Variants in DNAI4 observed in about 807,000 individuals in gnomAD.
DNAI4 encodes the protein WD repeat domain 78.
In DNAI4, 85 loss-of-function variants were observed where a neutral mutation model predicts 105.8. That is an observed-to-expected ratio of 0.80 (90% CI 0.67 to 0.96). DNAI4 has a LOEUF of 0.96. Ranked by LOEUF, DNAI4 falls within the 40% of genes least tolerant of loss-of-function variation. DNAI4 has a pLI of 0.00. For synonymous variants in DNAI4, 352 were observed against 331.5 expected (o/e 1.06, Z -0.67); for missense variants, 1,014 against 1,005.6 (o/e 1.01, Z -0.11).
At chr1:66,921,895 A>ATT in intron 1 of DNAI4, among the ~76,000 whole-genome samples, 1 of 124,460 alleles carries the variant, frequency 8.0e-6, no homozygotes, top group Non-Finnish European at 1.7e-5. Flanking sequence ...ACTTGTAGAA[A>ATT]TTTTTTTTTT....
intron 7 of DNAI4, chr1:66,848,353 A>C (rs1216382084): frequency 9.3e-6 from 4 of 430,380 alleles, no homozygotes; most frequent in Non-Finnish European, 1.8e-5. Context: ...ATGTGATTAG[A>C]CTGGGCCCAA....
At chr1:66,844,332 G>A (rs576293920) in intron 8 of DNAI4, among the ~76,000 whole-genome samples, 141 of 151,996 alleles carry the variant, frequency 9.3e-4, no homozygotes, top group African/African-American at 2.4e-3. Flanking sequence ...AGGCTGAGGC[G>A]GGTGGATCAT....
intron 1 of DNAI4, among the ~76,000 whole-genome samples, chr1:66,910,813 A>T (rs1649603204): frequency 6.6e-6 from 1 of 152,176 alleles, no homozygotes; most frequent in African/African-American, 2.4e-5. Context: ...AGGCTCTTTC[A>T]TTCCCTGTTG....
intron 15 of DNAI4, 49 bp downstream of exon 15, chr1:66,826,771 A>ATC: frequency 6.5e-7 from 1 of 1,543,844 alleles, no homozygotes; most frequent in Non-Finnish European, 8.9e-7. Flanking sequence ...GGTATCACTT[A>ATC]GTTTGAACTG....
intron 15 of DNAI4, among the ~76,000 whole-genome samples, chr1:66,825,297 A>G (rs941527931): frequency 6.8e-6 from 1 of 146,978 alleles, no homozygotes; most frequent in African/African-American, 2.5e-5. Context: ...CTCCTGCCTC[A>G]GCCTCCCGAG....
chr1:66,872,624 T>C (rs1247645747), intron 5 of DNAI4, among the ~76,000 whole-genome samples: 1 of 152,212 alleles, frequency 6.6e-6, no homozygotes, highest in Non-Finnish European at 1.5e-5. Flanking sequence ...GTCAGTTTAA[T>C]TGTTCCTCTG....
At chr1:66,896,621 A>G (rs1327342495) in intron 2 of DNAI4, among the ~76,000 whole-genome samples, 3 of 152,142 alleles carry the variant, frequency 2.0e-5, no homozygotes, top group African/African-American at 7.2e-5. Flanking sequence ...ATGGGTTATC[A>G]AGGGAGTGGT....
intron 1 of DNAI4, among the ~76,000 whole-genome samples, chr1:66,916,572 G>C (rs1180395815): frequency 1.3e-5 from 2 of 152,184 alleles, no homozygotes; most frequent in Admixed American, 1.3e-4. Flanking sequence ...AGGTTGGAAT[G>C]TGGGATTTTA....
rs777239898 is a variant in DNAI4 at position 66,833,698 on chromosome 1, G to T, written c.1900C>A (p.Arg634=). 23 of 1,610,382 alleles carry T rather than the reference G, an allele frequency of 1.4e-5. No individual in the cohort carries two copies. Among genetic ancestry groups the T allele is most frequent in the Non-Finnish European group, 2.0e-5 (23 of 1,178,516 alleles). The change falls in exon 13 of 17, where the codon CGA becomes AGA. Residue 634 remains arginine (R), a synonymous_variant. Coordinates refer to ENST00000371026, the MANE Select transcript of DNAI4 (RefSeq NM_024763.5). The part of the protein sequence containing the change: ...RKGLDCYDLM[R]LKRTTAASNK... ...CTGGCAGCTGTAGTTCTCTTTAATC[G>T]CATCAAATCTGTATTTAAAGAAAAA...
chr1:66,842,069 G>T (rs948959005), intron 8 of DNAI4, among the ~76,000 whole-genome samples: 1 of 152,148 alleles, frequency 6.6e-6, no homozygotes, highest in African/African-American at 2.4e-5. Flanking sequence ...ACGTTATATA[G>T]TCGGAATCAC....
chr1:66,822,266 TA>T, intron 16 of DNAI4, 94 bp downstream of exon 16: 3 of 1,148,566 alleles, frequency 2.6e-6, no homozygotes, highest in South Asian at 2.0e-5. Flanking sequence ...ATATTACACC[TA>T]AGATATTGAG....
At chr1:66,842,405 T>G (rs913666993) in intron 8 of DNAI4, among the ~76,000 whole-genome samples, 1 of 152,142 alleles carries the variant, frequency 6.6e-6, no homozygotes. Context: ...TTGTTTTGTT[T>G]TTGAAGACAG....
At chr1:66,885,770 G>A (rs1416785451) in intron 4 of DNAI4, among the ~76,000 whole-genome samples, 1 of 152,038 alleles carries the variant, frequency 6.6e-6, no homozygotes, top group East Asian at 1.9e-4. Flanking sequence ...TTTCCTTCTG[G>A]CTTCCGTCAA....
intron 16 of DNAI4, among the ~76,000 whole-genome samples, chr1:66,815,392 T>A (rs908092062): frequency 2.0e-5 from 3 of 152,236 alleles, no homozygotes; most frequent in African/African-American, 7.2e-5. Context: ...TTAATACTTG[T>A]TGAATAATAA....
intron 13 of DNAI4, among the ~76,000 whole-genome samples, chr1:66,829,952 T>C (rs1194133712): frequency 6.6e-6 from 1 of 152,178 alleles, no homozygotes; most frequent in Non-Finnish European, 1.5e-5. Context: ...CTAAATAACA[T>C]GCTTCTAAAT....
At chr1:66,860,155 TAATC>T (rs2100596188) in intron 7 of DNAI4, among the ~76,000 whole-genome samples, 1 of 152,200 alleles carries the variant, frequency 6.6e-6, no homozygotes, top group East Asian at 1.9e-4. Context: ...AAAATTCCAT[TAATC>T]AATTTTCTAA....
At chr1:66,845,949 T>C (rs1412564704) in intron 8 of DNAI4, among the ~76,000 whole-genome samples, 1 of 152,090 alleles carries the variant, frequency 6.6e-6, no homozygotes, top group African/African-American at 2.4e-5. Flanking sequence ...TTGATTAGGG[T>C]ATTGGTAACT....
At chr1:66,817,704 TG>T (rs1176534132) in intron 16 of DNAI4, among the ~76,000 whole-genome samples, 1 of 152,170 alleles carries the variant, frequency 6.6e-6, no homozygotes, top group East Asian at 1.9e-4. Flanking sequence ...AGTAAATCAA[TG>T]AATTGAAGTC....
chr1:66,828,658 T>C (rs915661000), intron 13 of DNAI4: 3 of 152,206 alleles, frequency 2.0e-5, no homozygotes, highest in Admixed American at 6.5e-5. Context: ...CTAGAATCTA[T>C]TGCTTTGTCT....
Sources: gnomAD v4.1 joint callset for allele counts (sites outside exome capture counted in the v4.1 genomes callset) on GRCh38, gnomAD v4.1.1 for gene constraint, MANE v1.5 for transcripts, NCBI Gene and HGNC (gene_info 2026-07-23, HGNC 2026-07-21) for gene names.